Variants in KHDRBS3 observed in about 807,000 individuals in gnomAD.
The protein encoded by KHDRBS3 is KH RNA binding domain containing, signal transduction associated 3, also known as KH domain-containing, RNA-binding, signal transduction-associated protein 3.
KHDRBS3 carries 23 observed loss-of-function variants against 45.6 expected under a neutral mutation model. The ratio of observed to expected loss-of-function variants is 0.50; its 90% CI spans 0.36 to 0.72. The LOEUF is 0.72. Ranked by LOEUF, KHDRBS3 falls within the 30% of genes least tolerant of loss-of-function variation. The probability of loss-of-function intolerance (pLI) is 0.00; values close to 1 mark genes in which losing one functional copy is unlikely to be tolerated. For missense variants in KHDRBS3, 352 were observed against 424.8 expected, an observed-to-expected ratio of 0.83 and a Z score of 1.51; for synonymous variants, 162 against 156.5, an observed-to-expected ratio of 1.04 and a Z score of -0.26.
At chr8:135,462,419 G>T (rs1028488329) in intron 1 of KHDRBS3, among the ~76,000 whole-genome samples, 25 of 152,068 alleles carry the variant, frequency 1.6e-4, no homozygotes, top group African/African-American at 6.0e-4. Context: ...TTGGGTCCCA[G>T]GGGTAGGGAG....
intron 1 of KHDRBS3, chr8:135,458,910 G>A: frequency 2.2e-6 from 1 of 456,220 alleles, no homozygotes; most frequent in South Asian, 1.5e-5. Flanking sequence ...TGGCATGCAC[G>A]GTAAATTAAG....
intron 7 of KHDRBS3, among the ~76,000 whole-genome samples, chr8:135,613,476 GAGGGA>G (rs1829787735): frequency 6.6e-6 from 1 of 151,780 alleles, no homozygotes; most frequent in African/African-American, 2.4e-5. Context: ...AAACTGTGTA[GAGGGA>G]AGTCTGTTGT....
At chr8:135,595,689 C>G (rs758170611) in intron 6 of KHDRBS3, among the ~76,000 whole-genome samples, 3 of 152,204 alleles carry the variant, frequency 2.0e-5, no homozygotes, top group Admixed American at 1.3e-4. Flanking sequence ...ACTAAAGACA[C>G]TTGGCATCTC....
At position 135,542,742 on chromosome 8, in the gene KHDRBS3, G is replaced by A; in HGVS notation, c.296G>A (p.Gly99Glu). The A allele has an allele frequency of 6.2e-7, 1 of 1,613,144 alleles. No individual in the cohort carries two copies. Among genetic ancestry groups the A allele is most frequent in the African/African-American group, 1.3e-5 (1 of 74,986 alleles). Reference protein sequence around the residue: ...EETLTKMSILGKGSMRDKAKE... With the variant: ...EETLTKMSILEKGSMRDKAKE... ...ACCTTGACAAAAATGTCCATCCTTG[G>A]GAAAGGTTCCATGAGAGACAAGGCC... The change falls in exon 3 of 9, where the codon GGG becomes GAG. Residue 99 changes from glycine (G) to glutamate (E), a missense_variant. Physicochemically the swap from Gly to Glu is moderately conservative, Grantham distance 98. Coordinates refer to ENST00000355849, the MANE Select transcript of KHDRBS3 (RefSeq NM_006558.3).
At chr8:135,562,062 A>G (rs1014222552) in intron 5 of KHDRBS3, among the ~76,000 whole-genome samples, 4 of 152,196 alleles carry the variant, frequency 2.6e-5, no homozygotes, top group Non-Finnish European at 4.4e-5. Context: ...AAATATTTTT[A>G]AAATAAATTT....
chr8:135,531,468 G>A (rs1825475322), intron 2 of KHDRBS3, among the ~76,000 whole-genome samples: 1 of 151,854 alleles, frequency 6.6e-6, no homozygotes, highest in African/African-American at 2.4e-5. Context: ...TATTCAATTT[G>A]GAGAAAAATA....
In KHDRBS3 at chr8:135,605,996, T is replaced by C. The variant is rs547123217; in HGVS notation, c.808-959T>C. 8.5e-5 allele frequency among the ~76,000 whole-genome samples: 13 copies of C among 152,330 alleles called. No individual in the cohort carries two copies. The East Asian group carries it at 2.5e-3, about 29-fold the overall frequency. On this transcript the variant is annotated intron_variant, in intron 6 of 8. Transcript: ENST00000355849. ...TTTCCATGGTTTCTTGTTTTTGTTG[T>C]TTAGTGACTTTTCTAAACTAATCTT...
intron 1 of KHDRBS3, 96 bp downstream of exon 1, chr8:135,458,050 C>A: frequency 7.0e-7 from 1 of 1,419,148 alleles, no homozygotes; most frequent in Non-Finnish European, 9.2e-7. Context: ...CTGCTGTCAG[C>A]GGACGCGGCG....
At chr8:135,582,306 G>A (rs1386039859) in intron 6 of KHDRBS3, among the ~76,000 whole-genome samples, 2 of 152,132 alleles carry the variant, frequency 1.3e-5, no homozygotes, top group African/African-American at 4.8e-5. Flanking sequence ...GAGGAGTTTG[G>A]GTGGTGGGGA....
intron 1 of KHDRBS3, among the ~76,000 whole-genome samples, chr8:135,518,159 CTT>C (rs1003310282): frequency 6.6e-6 from 1 of 151,928 alleles, no homozygotes; most frequent in African/African-American, 2.4e-5. Context: ...TACTAAACTA[CTT>C]TGTTTTTTTT....
At chr8:135,479,820 A>G (rs373463999) in intron 1 of KHDRBS3, among the ~76,000 whole-genome samples, 2 of 152,234 alleles carry the variant, frequency 1.3e-5, no homozygotes, top group South Asian at 4.1e-4. Context: ...CTTTGAGGCC[A>G]TTATAACCCT....
chr8:135,575,223 T>C (rs1827896276), intron 5 of KHDRBS3, among the ~76,000 whole-genome samples: 1 of 152,206 alleles, frequency 6.6e-6, no homozygotes, highest in Non-Finnish European at 1.5e-5. Flanking sequence ...TAGGATCAGG[T>C]TCAACTGCGA....
intron 6 of KHDRBS3, among the ~76,000 whole-genome samples, chr8:135,599,699 A>C (rs1829120120): frequency 6.6e-6 from 1 of 152,216 alleles, no homozygotes; most frequent in Non-Finnish European, 1.5e-5. Context: ...AGAGGAGAGG[A>C]GGCAAAGAAA....
At chr8:135,476,400 C>T (rs1431167450) in intron 1 of KHDRBS3, among the ~76,000 whole-genome samples, 4 of 152,122 alleles carry the variant, frequency 2.6e-5, no homozygotes. Flanking sequence ...CCTCGGCCTC[C>T]CAAAGTGCTG....
chr8:135,474,825 C>T (rs1258250992), intron 1 of KHDRBS3, among the ~76,000 whole-genome samples: 1 of 152,192 alleles, frequency 6.6e-6, no homozygotes, highest in Admixed American at 6.5e-5. Flanking sequence ...CCATGGGGTC[C>T]TGGAGCTCAG....
intron 1 of KHDRBS3, among the ~76,000 whole-genome samples, chr8:135,462,886 T>C (rs1279186146): frequency 1.3e-5 from 2 of 152,184 alleles, no homozygotes; most frequent in African/African-American, 4.8e-5. Context: ...ATGGTATAAT[T>C]AGTGAATGAT....
downstream of KHDRBS3, among the ~76,000 whole-genome samples, chr8:135,649,356 T>C (rs1269955652): frequency 6.6e-6 from 1 of 152,186 alleles, no homozygotes; most frequent in East Asian, 1.9e-4. Flanking sequence ...ATGCAGTTGT[T>C]AGAAGAATTA....
intron 6 of KHDRBS3, among the ~76,000 whole-genome samples, chr8:135,583,155 G>T (rs1828296575): frequency 6.6e-6 from 1 of 152,180 alleles, no homozygotes; most frequent in Non-Finnish European, 1.5e-5. Context: ...CATTACTACA[G>T]TTCTTACATT....
intron 2 of KHDRBS3, among the ~76,000 whole-genome samples, chr8:135,533,177 G>A (rs1382341837): frequency 6.6e-6 from 1 of 152,096 alleles, no homozygotes; most frequent in Admixed American, 6.6e-5. Context: ...ATGTTAGCTA[G>A]TTTTAATTAA....
Sources: allele counts gnomAD v4.1 joint callset (sites outside exome capture counted in the v4.1 genomes callset), GRCh38; gene constraint gnomAD v4.1.1; transcripts MANE v1.5; gene names NCBI Gene and HGNC (gene_info 2026-07-23, HGNC 2026-07-21).